LARP7: variants seen among roughly 807,000 people sequenced by gnomAD.
LARP7 encodes La ribonucleoprotein 7, transcriptional regulator, also known as la-related protein 7.
LARP7 carries 52 observed loss-of-function variants against 69.3 expected under a neutral mutation model. That is an observed-to-expected ratio of 0.75 (90% confidence interval 0.60 to 0.95). The LOEUF is 0.95. Ranked by LOEUF, LARP7 falls within the 40% of genes least tolerant of loss-of-function variation. The probability of loss-of-function intolerance (pLI) is 0.00; values close to 1 mark genes in which losing one functional copy is unlikely to be tolerated. For synonymous variants in LARP7, 254 were observed against 215.9 expected (o/e 1.18, Z -1.55); for missense variants, 733 against 673.0 (o/e 1.09, Z -0.99).
intron 1 of LARP7, among the ~76,000 whole-genome samples, chr4:112,639,580 G>T (rs559367093): frequency 1.3e-5 from 2 of 151,892 alleles, no homozygotes; most frequent in South Asian, 4.2e-4. Context: ...TGCATATTAT[G>T]TTACGGGAAG....
At chr4:112,653,988 A>G (rs1185898115) in intron 11 of LARP7, 80 bp from the exon 12 acceptor site, 1 of 944,002 alleles carries the variant, frequency 1.1e-6, no homozygotes, top group Non-Finnish European at 1.7e-6. Context: ...AGTTACTATT[A>G]TTGAGAATGT....
At position 112,654,128 on chromosome 4, in the gene LARP7, A is replaced by G; in HGVS notation, c.1637A>G (p.Gln546Arg). Residue 546 changes from glutamine (Q) to arginine (R), a missense_variant, in exon 12 of 13, where the codon CAG (glutamine) becomes CGG (arginine). Coordinates refer to ENST00000344442, the MANE Select transcript of LARP7 (RefSeq NM_016648.4). Reference sequence around the variant, plus strand: ...GTTGATAGACAGGCAAAACTTAATCAGCCTCGGGAAAAGAAAAGAGGCACT... The same window carrying G: ...GTTGATAGACAGGCAAAACTTAATCGGCCTCGGGAAAAGAAAAGAGGCACT... Reference protein sequence around the residue: ...ILVDRQAKLNQPREKKRGTEK... With the variant: ...ILVDRQAKLNRPREKKRGTEK... 1 of 1,613,932 alleles carries G rather than the reference A, an allele frequency of 6.2e-7. No individual in the cohort carries two copies. Among genetic ancestry groups the G allele is most frequent in the Non-Finnish European group, 8.5e-7 (1 of 1,179,880 alleles).
intron 7 of LARP7, 26 bp downstream of exon 7, chr4:112,647,575 T>C: frequency 3.3e-6 from 5 of 1,505,444 alleles, no homozygotes; most frequent in Non-Finnish European, 3.6e-6. Flanking sequence ...TTTAATTAGA[T>C]AAAACTAATT....
Position 112,647,487 on chromosome 4 carries a change from TA to T in LARP7, c.938del (p.Lys313ArgfsTer22). The T allele has an allele frequency of 1.2e-6, 2 of 1,613,332 alleles. No individual in the cohort carries two copies. The highest frequency in any genetic ancestry group is 1.7e-6 in the Non-Finnish European group (2 of 1,179,696). On this transcript the variant is annotated frameshift_variant, in exon 7 of 13. Transcript: ENST00000344442. LOFTEE classifies it high-confidence loss of function. ...GAATCCCTAGCTCCCCGATCAAAAGTAAAGAAAATTATTCAGAAAGACATCA... is the reference window on the plus strand; with the variant it reads ...GAATCCCTAGCTCCCCGATCAAAAGTAAGAAAATTATTCAGAAAGACATCA... Reference protein sequence around the residue: ...DAESLAPRSKVKKIIQKDIIK... With the variant: ...DAESLAPRSKXKKIIQKDIIK...
chr4:112,656,359 C>G (rs2048954574), intron 12 of LARP7, among the ~76,000 whole-genome samples: 1 of 152,174 alleles, frequency 6.6e-6, no homozygotes, highest in African/African-American at 2.4e-5. Context: ...GATGGCGCCA[C>G]TGCACCACAG....
intron 1 of LARP7, 44 bp from the exon 2 acceptor site, chr4:112,644,624 T>C (rs772717494): frequency 2.2e-6 from 3 of 1,394,004 alleles, no homozygotes; most frequent in Non-Finnish European, 3.0e-6. Context: ...ATATTAGCTA[T>C]TGTGGTGATT....
At chr4:112,644,383 C>T in intron 1 of LARP7, 4 of 622,574 alleles carry the variant, frequency 6.4e-6, no homozygotes, top group Non-Finnish European at 9.3e-6. Flanking sequence ...CTTAAAAGTG[C>T]AGCTTAGTGA....
intron 8 of LARP7, chr4:112,648,160 T>G (rs575245475): frequency 1.9e-6 from 1 of 520,118 alleles, no homozygotes; most frequent in African/African-American, 2.0e-5. Context: ...AAAAAAATAA[T>G]AAAAATGTAA....
Position 112,647,807 on chromosome 4 carries a change from A to T in LARP7, c.1115A>T (p.Glu372Val), listed in dbSNP as rs768343315. The change falls in exon 8 of 13, where the codon GAA becomes GTA. Residue 372 changes from glutamate (E) to valine (V), a missense_variant. Physicochemically the swap from Glu to Val is moderately radical, Grantham distance 121 (BLOSUM62 -2). Transcript: ENST00000344442. ...AAAGAGAGACATAAAATGGGAGAAG[A>T]AGTTATACCATTAAGAGTGCTATCA... ...KHKERHKMGE[E>V]VIPLRVLSKS... is the part of the protein sequence containing the mutation. 2 of 1,588,220 alleles carry T rather than the reference A, an allele frequency of 1.3e-6. No individual in the cohort carries two copies. Among genetic ancestry groups the T allele is most frequent in the Non-Finnish European group, 8.6e-7 (1 of 1,164,730 alleles).
intron 1 of LARP7, among the ~76,000 whole-genome samples, chr4:112,638,611 T>C (rs2047815233): frequency 6.6e-6 from 1 of 152,198 alleles, no homozygotes; most frequent in Non-Finnish European, 1.5e-5. Flanking sequence ...GGTTCCCTTA[T>C]TTACAGTCAA....
chr4:112,646,305 TAATCCTGC>T, intron 2 of LARP7, 38 bp from the exon 3 acceptor site: 1 of 978,722 alleles, frequency 1.0e-6, no homozygotes, highest in Non-Finnish European at 1.6e-6. Context: ...CAAATTGAAT[TAATCCTGC>T]TGATACACTA....
In LARP7 at chr4:112,647,486, G is replaced by A; in HGVS notation, c.934G>A (p.Val312Ile). Reference sequence around the variant, plus strand: ...AGAATCCCTAGCTCCCCGATCAAAAGTAAAGAAAATTATTCAGAAAGACAT... The same window carrying A: ...AGAATCCCTAGCTCCCCGATCAAAAATAAAGAAAATTATTCAGAAAGACAT... ...DAESLAPRSKVKKIIQKDIIK... is the reference protein window; with the variant it reads ...DAESLAPRSKIKKIIQKDIIK... Residue 312 changes from valine (V) to isoleucine (I), a missense_variant, in exon 7 of 13, where the codon GTA becomes ATA. By Grantham distance (29) the Val-to-Ile change is conservative. Transcript: ENST00000344442. 3 of 1,613,472 alleles carry A rather than the reference G, an allele frequency of 1.9e-6. No individual in the cohort carries two copies. The highest frequency in any genetic ancestry group is 1.7e-6 in the Non-Finnish European group (2 of 1,179,724).
At chr4:112,638,959 G>A (rs2047840585) in intron 1 of LARP7, among the ~76,000 whole-genome samples, 1 of 152,162 alleles carries the variant, frequency 6.6e-6, no homozygotes, top group Non-Finnish European at 1.5e-5. Flanking sequence ...TCCTGAGTCA[G>A]AACATAGAGT....
chr4:112,646,859 TTA>T lies in LARP7; in HGVS notation c.461_462del (p.Ile154LysfsTer6), dbSNP rs1298498718. 16 of 1,607,368 alleles carry T rather than the reference TTA, an allele frequency of 1.0e-5. No individual in the cohort carries two copies. Among genetic ancestry groups the T allele is most frequent in the Admixed American group, 3.4e-5 (2 of 59,042 alleles). On this transcript the variant is annotated frameshift_variant, in exon 5 of 13. Transcript: ENST00000344442. LOFTEE classifies it high-confidence loss of function. ...TATTTGGGAAATGTGGCAATGTTGTTTATATAAGTATACCACATTATAAGTCT... is the reference window on the plus strand; with the variant it reads ...TATTTGGGAAATGTGGCAATGTTGTTTATAAGTATACCACATTATAAGTCT... The part of the protein sequence containing the change: ...RVFGKCGNVV[Y>X]ISIPHYKSTG...
At position 112,647,237 on chromosome 4, in the gene LARP7, A is replaced by G; in HGVS notation, c.685A>G (p.Lys229Glu). 1 of 1,598,452 alleles carries G rather than the reference A, an allele frequency of 6.3e-7. No homozygotes were observed. The highest frequency in any genetic ancestry group is 1.1e-5 in the South Asian group (1 of 87,624). The change falls in exon 7 of 13, where the codon AAA becomes GAA. Residue 229 changes from lysine to glutamate, a missense_variant. By Grantham distance (56) the Lys-to-Glu change is moderately conservative (BLOSUM62 1). Transcript: ENST00000344442. The part of the protein sequence containing the change: ...KKKKKKKGRM[K>E]KEDNIQAKEE... ...GAAAAAGAAGAAGAAAGGCCGAATGAAAAAGGAAGACAATATCCAAGCCAA... is the reference window on the plus strand; with the variant it reads ...GAAAAAGAAGAAGAAAGGCCGAATGGAAAAGGAAGACAATATCCAAGCCAA...
Position 112,650,457 on chromosome 4 carries a change from T to G in LARP7, c.1295-4T>G. The stretch of plus-strand genomic sequence containing the variant: ...AGTCCTGGTCTTTTTCCTTTTCTAA[T>G]CAGCAGCCAACAGGGAAGAGTGTCG... On this transcript the variant is annotated splice_polypyrimidine_tract_variant and splice_region_variant and intron_variant, in intron 9 of 12. Coordinates refer to ENST00000344442, the MANE Select transcript of LARP7 (RefSeq NM_016648.4). 6.2e-7 allele frequency: 1 copy of G among 1,613,570 alleles called. No individual in the cohort carries two copies. Among genetic ancestry groups the G allele is most frequent in the Non-Finnish European group, 8.5e-7 (1 of 1,179,648 alleles).
chr4:112,648,569 A>T (rs1309669720), intron 8 of LARP7: 1 of 517,180 alleles, frequency 1.9e-6, no homozygotes, highest in Non-Finnish European at 4.0e-6. Flanking sequence ...CACCCAACAT[A>T]CAACTTCTTT....
chr4:112,643,148 A>G (rs935799861), intron 1 of LARP7, among the ~76,000 whole-genome samples: 9 of 152,256 alleles, frequency 5.9e-5, no homozygotes, highest in Non-Finnish European at 1.0e-4. Context: ...TGATCTTACC[A>G]TCTAGGAAGG....
chr4:112,654,336 T>C, intron 12 of LARP7, 177 bp downstream of exon 12: 1 of 495,504 alleles, frequency 2.0e-6, no homozygotes, highest in South Asian at 3.4e-5. Flanking sequence ...TTTCAAAATG[T>C]ATGAAATTGA....
Sources: allele counts gnomAD v4.1 joint callset (sites outside exome capture counted in the v4.1 genomes callset), GRCh38; gene constraint gnomAD v4.1.1; transcripts MANE v1.5; gene names NCBI Gene and HGNC (gene_info 2026-07-23, HGNC 2026-07-21).